EPB41L5: variants seen among roughly 807,000 people sequenced by gnomAD.
EPB41L5 encodes the protein erythrocyte membrane protein band 4.1 like 5.
In EPB41L5, 55 loss-of-function variants were observed where a neutral mutation model predicts 106.6. That is an observed-to-expected ratio of 0.52 (90% confidence interval 0.42 to 0.65). The LOEUF (loss-of-function observed/expected upper bound fraction) is 0.65, where lower values mean the gene tolerates loss of function less well. EPB41L5 is among the 30% of genes least tolerant of loss of function. The pLI is 0.00. For missense variants in EPB41L5, 871 were observed against 882.1 expected (o/e 0.99, Z 0.16); for synonymous variants, 297 against 306.7 (o/e 0.97, Z 0.33).
At chr2:120,147,068 C>T (rs1215204506) in intron 20 of EPB41L5, among the ~76,000 whole-genome samples, 1 of 152,144 alleles carries the variant, frequency 6.6e-6, no homozygotes, top group African/African-American at 2.4e-5. Context: ...ATGCTAATTG[C>T]CAGGCACGGT....
At chr2:120,150,966 T>C (rs1686645920) in intron 20 of EPB41L5, among the ~76,000 whole-genome samples, 1 of 152,210 alleles carries the variant, frequency 6.6e-6, no homozygotes, top group African/African-American at 2.4e-5. Context: ...TGATTAACAG[T>C]TGCATAGCTT....
At chr2:120,085,361 T>G (rs971777573) in intron 10 of EPB41L5, among the ~76,000 whole-genome samples, 1 of 152,206 alleles carries the variant, frequency 6.6e-6, no homozygotes, top group African/African-American at 2.4e-5. Flanking sequence ...TGTTGGAGTT[T>G]GCTGGAGGTC....
At chr2:120,031,659 C>G (rs1330816947) in intron 2 of EPB41L5, among the ~76,000 whole-genome samples, 1 of 152,166 alleles carries the variant, frequency 6.6e-6, no homozygotes, top group East Asian at 1.9e-4. Flanking sequence ...ATTCTACACA[C>G]TCTGACCATC....
At chr2:120,029,558 A>T (rs1281953771) in intron 2 of EPB41L5, among the ~76,000 whole-genome samples, 1 of 152,166 alleles carries the variant, frequency 6.6e-6, no homozygotes, top group Admixed American at 6.5e-5. Context: ...CGGAAAGCTG[A>T]TGAAAAGATA....
chr2:120,128,256 A>AACACACACACACACACACACACACACAC (rs3084679), intron 17 of EPB41L5, among the ~76,000 whole-genome samples: 42 of 145,438 alleles, frequency 2.9e-4, no homozygotes, highest in African/African-American at 1.0e-3. Flanking sequence ...GGTGCTTTAA[A>AACACACACACACACACACACACACACAC]ACACACACAC....
intron 3 of EPB41L5, among the ~76,000 whole-genome samples, chr2:120,065,496 A>G (rs921144584): frequency 6.8e-6 from 1 of 147,098 alleles, no homozygotes; most frequent in Admixed American, 7.2e-5. Flanking sequence ...TAACTGTCTA[A>G]GAAAGACTTT....
intron 20 of EPB41L5, among the ~76,000 whole-genome samples, chr2:120,157,467 A>T (rs920259359): frequency 6.6e-6 from 1 of 152,120 alleles, no homozygotes; most frequent in Non-Finnish European, 1.5e-5. Flanking sequence ...TCAAGACACA[A>T]AAAAACACTC....
chr2:120,070,518 G>C (rs1681788303), intron 3 of EPB41L5, among the ~76,000 whole-genome samples: 1 of 152,096 alleles, frequency 6.6e-6, no homozygotes, highest in East Asian at 1.9e-4. Flanking sequence ...ACCTGGCAGA[G>C]ACACAACAAC....
intron 3 of EPB41L5, among the ~76,000 whole-genome samples, chr2:120,060,228 A>G (rs1680943118): frequency 6.6e-6 from 1 of 152,210 alleles, no homozygotes; most frequent in Non-Finnish European, 1.5e-5. Flanking sequence ...CTAAACATAT[A>G]CTTAAACCAT....
rs771308846 is a variant in EPB41L5 at position 120,026,492 on chromosome 2, C to T, written c.180+7228C>T. Among the ~76,000 whole-genome samples the T allele has an allele frequency of 3.5e-4, 53 of 152,122 alleles. 1 individual carries two copies. Among genetic ancestry groups the T allele is most frequent in the South Asian group, 4.1e-4 (2 of 4,826 alleles). On this transcript the variant is annotated intron_variant, in intron 2 of 24. Coordinates refer to ENST00000263713, the MANE Select transcript of EPB41L5 (RefSeq NM_020909.4). ...CAAGCCAGTCTCCTGCCTCAGCCTC[C>T]GGAGTAGCTGGGATTACAGGCGCCT...
Position 120,146,306 on chromosome 2 carries a change from A to C in EPB41L5, c.1793+17A>C, listed in dbSNP as rs767965989. The C allele has an allele frequency of 5.1e-6, 8 of 1,577,852 alleles. No homozygotes were observed. The South Asian group carries it at 9.0e-5, about 18-fold the overall frequency. ...CACAAACAGGTACAGTTCTGGGTAG[A>C]CTGAATTAAATTGATGTTCTTATCT... On this transcript the variant is annotated intron_variant, in intron 20 of 24. Transcript: ENST00000263713.
intron 20 of EPB41L5, among the ~76,000 whole-genome samples, chr2:120,154,117 C>T (rs780914902): frequency 1.3e-5 from 2 of 150,350 alleles, no homozygotes; most frequent in Admixed American, 6.6e-5. Context: ...CATGAGCATA[C>T]CCCTTGATTT....
intron 21 of EPB41L5, among the ~76,000 whole-genome samples, chr2:120,162,100 G>C (rs1687161220): frequency 6.6e-6 from 1 of 152,166 alleles, no homozygotes; most frequent in Non-Finnish European, 1.5e-5. Flanking sequence ...AAAGTGCTGG[G>C]ATTATAGGCA....
At position 120,164,906 on chromosome 2, in the gene EPB41L5, C is replaced by G. The variant is rs1687322234; in HGVS notation, c.1958C>G (p.Pro653Arg). 1.2e-6 allele frequency: 2 copies of G among 1,606,832 alleles called. No homozygotes were observed. The highest frequency in any genetic ancestry group is 3.4e-5 in the Admixed American group (2 of 59,060). ...AATCTAATTGATCACACAGTTGCAC[C>G]TCAGGTAAATATGCTTTAAAATAGT... Reference protein sequence around the residue: ...TENLIDHTVAPQVSSTSMITP... With the variant: ...TENLIDHTVARQVSSTSMITP... The change falls in exon 22 of 25, where the codon CCT becomes CGT. Residue 653 changes from proline (P) to arginine (R), a missense_variant. Transcript: ENST00000263713.
chr2:120,172,998 C>A (rs951796908), intron 24 of EPB41L5, among the ~76,000 whole-genome samples: 1 of 152,040 alleles, frequency 6.6e-6, no homozygotes, highest in Admixed American at 6.6e-5. Context: ...GAGGCTGAGG[C>A]AAGGAGATCG....
intron 20 of EPB41L5, among the ~76,000 whole-genome samples, chr2:120,152,450 G>A (rs1558908977): frequency 6.6e-6 from 1 of 152,006 alleles, no homozygotes; most frequent in African/African-American, 2.4e-5. Flanking sequence ...TATTCATCAG[G>A]GATATTGGTC....
chr2:120,116,831 TGTA>T (rs1558887211), intron 16 of EPB41L5, among the ~76,000 whole-genome samples: 1 of 152,184 alleles, frequency 6.6e-6, no homozygotes, highest in Non-Finnish European at 1.5e-5. Flanking sequence ...TCTACCTAAA[TGTA>T]GTAAGTCTTT....
chr2:120,021,676 G>A (rs1483005876), intron 2 of EPB41L5, among the ~76,000 whole-genome samples: 1 of 152,154 alleles, frequency 6.6e-6, no homozygotes, highest in Non-Finnish European at 1.5e-5. Flanking sequence ...AATTCTGTAG[G>A]TGAAATCGTA....
At chr2:120,079,941 C>A (rs1312255357) in intron 10 of EPB41L5, among the ~76,000 whole-genome samples, 2 of 152,000 alleles carry the variant, frequency 1.3e-5, no homozygotes, top group South Asian at 4.1e-4. Context: ...TCCCTGCCCC[C>A]GCTAACTGCC....
Sources: gnomAD v4.1 joint callset for allele counts (sites outside exome capture counted in the v4.1 genomes callset) on GRCh38, gnomAD v4.1.1 for gene constraint, MANE v1.5 for transcripts, NCBI Gene and HGNC (gene_info 2026-07-23, HGNC 2026-07-21) for gene names.